Variants in AGBL1 observed in about 807,000 individuals in gnomAD.
AGBL1 encodes the protein AGBL carboxypeptidase 1, also known as cytosolic carboxypeptidase 4.
In AGBL1, 130 loss-of-function variants were observed where a neutral mutation model predicts 118.9. That is an observed-to-expected ratio of 1.09 (90% CI 0.95 to 1.26). AGBL1 has a LOEUF of 1.26. AGBL1 is among the 50% of genes most tolerant of loss of function. AGBL1 has a pLI of 0.00. For synonymous variants in AGBL1, 555 were observed against 478.9 expected (o/e 1.16, Z -2.08); for missense variants, 1,584 against 1,298.1 (o/e 1.22, Z -3.38).
At chr15:86,116,068 C>G (rs1185503365) in intron 1 of AGBL1, among the ~76,000 whole-genome samples, 1 of 152,118 alleles carries the variant, frequency 6.6e-6, no homozygotes, top group Non-Finnish European at 1.5e-5. Context: ...GACTGTATCA[C>G]TAAAATAGGC....
chr15:86,479,419 G>T (rs1472946119), intron 18 of AGBL1, among the ~76,000 whole-genome samples: 9 of 152,152 alleles, frequency 5.9e-5, no homozygotes, highest in Non-Finnish European at 2.9e-5. Flanking sequence ...AGTGGGCAAA[G>T]GATATGAACA....
chr15:86,307,715 A>G (rs2079861536), intron 17 of AGBL1, among the ~76,000 whole-genome samples: 1 of 152,100 alleles, frequency 6.6e-6, no homozygotes, highest in Non-Finnish European at 1.5e-5. Flanking sequence ...TAGTCTGGAC[A>G]GTATAGTGAG....
chr15:86,700,511 A>ACACACAC (rs766574039), intron 22 of AGBL1, among the ~76,000 whole-genome samples: 3 of 40,200 alleles, frequency 7.5e-5, no homozygotes, highest in Admixed American at 3.4e-4. Flanking sequence ...ACACACACAC[A>ACACACAC]AAATCTCTCT....
chr15:86,775,269 G>T (rs796177199), intron 22 of AGBL1, among the ~76,000 whole-genome samples: 20 of 152,286 alleles, frequency 1.3e-4, no homozygotes, highest in African/African-American at 4.6e-4. Flanking sequence ...GCAGGGTTGG[G>T]AGTAATAGAT....
intron 22 of AGBL1, among the ~76,000 whole-genome samples, chr15:86,866,330 A>G (rs1202199698): frequency 6.6e-6 from 1 of 152,186 alleles, no homozygotes; most frequent in Non-Finnish European, 1.5e-5. Context: ...CTTCAGTTCC[A>G]TTGATGGCCT....
intron 6 of AGBL1, among the ~76,000 whole-genome samples, chr15:86,227,599 T>C (rs8025084): frequency 0.57 from 87,188 of 152,218 alleles, 25,425 homozygotes; most frequent in South Asian, 0.65. Context: ...CAGTAAAATT[T>C]CCACTTGTTG....
intron 22 of AGBL1, among the ~76,000 whole-genome samples, chr15:86,806,279 C>A (rs1041661708): frequency 1.3e-5 from 2 of 152,110 alleles, no homozygotes; most frequent in South Asian, 4.1e-4. Context: ...CCACTTCAGA[C>A]TGACTCTGCC....
At chr15:86,475,533 A>G (rs2082545359) in intron 18 of AGBL1, among the ~76,000 whole-genome samples, 2 of 152,218 alleles carry the variant, frequency 1.3e-5, no homozygotes, top group South Asian at 4.1e-4. Flanking sequence ...AAAAAAGAGT[A>G]AAAAGAAATG....
chr15:86,944,665 A>G (rs1567252284), intron 23 of AGBL1, among the ~76,000 whole-genome samples: 2 of 152,232 alleles, frequency 1.3e-5, no homozygotes, highest in African/African-American at 4.8e-5. Flanking sequence ...AGTAATCTGC[A>G]TATTTTTAAT....
chr15:86,451,541 G>A (rs2082192718), intron 18 of AGBL1, among the ~76,000 whole-genome samples: 2 of 152,130 alleles, frequency 1.3e-5, no homozygotes, highest in African/African-American at 4.8e-5. Context: ...GCCAAATAGG[G>A]CTTGGAAATT....
chr15:86,209,929 G>A (rs563570808), intron 5 of AGBL1, among the ~76,000 whole-genome samples: 91 of 152,228 alleles, frequency 6.0e-4, no homozygotes, highest in African/African-American at 2.1e-3. Flanking sequence ...TTACAATTTG[G>A]CATGTTTTTG....
intron 23 of AGBL1, among the ~76,000 whole-genome samples, chr15:86,923,275 A>G (rs753589200): frequency 3.3e-5 from 5 of 152,190 alleles, no homozygotes; most frequent in African/African-American, 9.7e-5. Context: ...TCAGTTGTCC[A>G]TATGATGTAT....
At chr15:86,690,157 G>T (rs780170810) in intron 22 of AGBL1, among the ~76,000 whole-genome samples, 7 of 152,116 alleles carry the variant, frequency 4.6e-5, no homozygotes, top group Non-Finnish European at 7.4e-5. Context: ...AATGTTATAA[G>T]AAATAGGTAG....
intron 21 of AGBL1, among the ~76,000 whole-genome samples, chr15:86,642,189 A>G (rs1298901553): frequency 2.0e-5 from 3 of 152,210 alleles, no homozygotes; most frequent in Non-Finnish European, 2.9e-5. Context: ...TGGAAACAGG[A>G]ATGCATGTAA....
At chr15:86,247,197 A>G (rs1252739675) in intron 6 of AGBL1, among the ~76,000 whole-genome samples, 2 of 152,240 alleles carry the variant, frequency 1.3e-5, no homozygotes, top group African/African-American at 2.4e-5. Flanking sequence ...AGCAAAAGAA[A>G]AAATTGTTTG....
Position 86,907,086 on chromosome 15 carries a change from G to C in AGBL1, c.3159-1G>C, listed in dbSNP as rs538980346. On this transcript the variant is annotated splice_acceptor_variant, in intron 22 of 22. Transcript: ENST00000614907. LOFTEE classifies it high-confidence loss of function. ...CCATATTTCCCGGGACCCAATGGCA[G>C]GTGCAGCAGCAGCAGTGGCAGCGTC... is the stretch of plus-strand genomic sequence containing the variant. 1 of 152,212 alleles carries C rather than the reference G, an allele frequency of 6.6e-6. No homozygotes were observed. The highest frequency in any genetic ancestry group is 1.5e-5 in the Non-Finnish European group (1 of 68,210). The allele number at this position is 152,212 out of a possible 1,614,324, so 9.4% of individuals were successfully genotyped here.
chr15:86,519,263 AT>A (rs897091266), intron 18 of AGBL1, among the ~76,000 whole-genome samples: 1 of 152,148 alleles, frequency 6.6e-6, no homozygotes, highest in Non-Finnish European at 1.5e-5. Flanking sequence ...CCATTTTATG[AT>A]TCTTATAAAG....
Position 86,162,135 on chromosome 15 carries a change from A to G in AGBL1, c.488+3109A>G, listed in dbSNP as rs142537443. 3.9e-5 allele frequency among the ~76,000 whole-genome samples: 6 copies of G among 152,288 alleles called. No individual in the cohort carries two copies. The East Asian group carries it at 7.7e-4, about 20-fold the overall frequency. ...GAGAATAGTAACTAAGACATACCCA[A>G]ATGAATTCTACTCAAGCCATTTGGT... On this transcript the variant is annotated intron_variant, in intron 5 of 22. Transcript: ENST00000614907.
At chr15:86,596,882 A>C (rs1362611523) in intron 21 of AGBL1, among the ~76,000 whole-genome samples, 1 of 152,062 alleles carries the variant, frequency 6.6e-6, no homozygotes, top group Non-Finnish European at 1.5e-5. Context: ...TATATTTATT[A>C]TTTATTGCCT....
Sources: gnomAD v4.1 joint callset for allele counts (sites outside exome capture counted in the v4.1 genomes callset) on GRCh38, gnomAD v4.1.1 for gene constraint, MANE v1.5 for transcripts, NCBI Gene and HGNC (gene_info 2026-07-23, HGNC 2026-07-21) for gene names.